SHB: variants seen among roughly 807,000 people sequenced by gnomAD.
SHB encodes the protein SH2 domain-containing adapter protein B.
In SHB, 20 loss-of-function variants were observed where a neutral mutation model predicts 52.3. That is an observed-to-expected ratio of 0.38 (90% confidence interval 0.27 to 0.56). The LOEUF is 0.56. SHB is among the 20% of genes least tolerant of loss of function. The probability of loss-of-function intolerance (pLI) is 0.71; values close to 1 mark genes in which losing one functional copy is unlikely to be tolerated. For missense variants in SHB, 825 were observed against 723.3 expected, an observed-to-expected ratio of 1.14 and a Z score of -1.61; for synonymous variants, 397 against 316.5, an observed-to-expected ratio of 1.25 and a Z score of -2.70.
chr9:37,971,461 T>C (rs1820589473), intron 3 of SHB, among the ~76,000 whole-genome samples: 1 of 152,154 alleles, frequency 6.6e-6, no homozygotes, highest in African/African-American at 2.4e-5. Flanking sequence ...CTGCGCCTAA[T>C]GGACTCTGTC....
intron 2 of SHB, among the ~76,000 whole-genome samples, chr9:37,997,056 G>A (rs780320222): frequency 8.5e-5 from 13 of 152,200 alleles, no homozygotes; most frequent in Non-Finnish European, 1.5e-4. Context: ...GTGGGTGGGA[G>A]CAGGTGAAGG....
Position 37,919,811 on chromosome 9 carries a change from T to G in SHB, c.*10A>C, listed in dbSNP as rs1173762533. ...AGGCTCTGTCACAGAGCAGGGCAGG[T>G]CTGGTCCGCTCACAGGGTCCTCACA... On this transcript the variant is annotated 3_prime_UTR_variant, in exon 6 of 6. Coordinates refer to ENST00000377707, the MANE Select transcript of SHB (RefSeq NM_003028.3). The G allele has an allele frequency of 1.2e-5, 20 of 1,611,186 alleles. No individual in the cohort carries two copies. The highest frequency in any genetic ancestry group is 1.7e-5 in the Admixed American group (1 of 59,984).
chr9:37,920,913 TCA>T (rs753572161), intron 5 of SHB, among the ~76,000 whole-genome samples: 2 of 152,130 alleles, frequency 1.3e-5, no homozygotes, highest in Non-Finnish European at 2.9e-5. Flanking sequence ...GGTGGGTTTC[TCA>T]GAGATCAGAG....
At position 38,069,127 on chromosome 9, in the gene SHB, G is replaced by A. The variant is rs1188534026; in HGVS notation, c.-482C>T. ...GAGAGCTCGGCCCCGCAGCGGAGGA[G>A]AATGCGGCCGGGAGAGACAGCGAGC... On this transcript the variant is annotated 5_prime_UTR_variant, in exon 1 of 6. Transcript: ENST00000377707. 1 of 151,708 alleles carries A rather than the reference G, an allele frequency of 6.6e-6. No homozygotes were observed. The highest frequency in any genetic ancestry group is 1.5e-5 in the Non-Finnish European group (1 of 67,856). The allele number at this position is 151,708 out of a possible 1,614,324, so 9.4% of individuals were successfully genotyped here.
At chr9:37,993,518 C>T (rs541457843) in intron 2 of SHB, among the ~76,000 whole-genome samples, 56 of 152,178 alleles carry the variant, frequency 3.7e-4, no homozygotes, top group African/African-American at 1.3e-3. Flanking sequence ...TGTGACAAAC[C>T]TGCACGTTGT....
chr9:37,924,281 T>G (rs199761441), intron 5 of SHB, among the ~76,000 whole-genome samples: 1 of 152,200 alleles, frequency 6.6e-6, no homozygotes, highest in Admixed American at 6.5e-5. Flanking sequence ...GGCCCCACCT[T>G]GCAGCGCAAT....
chr9:37,981,004 G>T (rs1385598382), intron 2 of SHB, among the ~76,000 whole-genome samples: 1 of 152,178 alleles, frequency 6.6e-6, no homozygotes, highest in Non-Finnish European at 1.5e-5. Context: ...GCACGAGCAG[G>T]GTAGATTTAG....
At chr9:37,943,349 T>A (rs1277943960) in intron 5 of SHB, among the ~76,000 whole-genome samples, 2 of 152,148 alleles carry the variant, frequency 1.3e-5, no homozygotes, top group Non-Finnish European at 2.9e-5. Flanking sequence ...GTGTCTTCCT[T>A]TCCTTGTGAG....
rs1356024995 is a variant in SHB at position 37,982,384 on chromosome 9, T to C, written c.839-7547A>G. Reference sequence around the variant, plus strand: ...GGTGGGCACCTATAATCCCAGCTACTGGGAAGGCTGAGGCAGGAGAATTGC... The same window carrying C: ...GGTGGGCACCTATAATCCCAGCTACCGGGAAGGCTGAGGCAGGAGAATTGC... On this transcript the variant is annotated intron_variant, in intron 2 of 5. Coordinates refer to ENST00000377707, the MANE Select transcript of SHB (RefSeq NM_003028.3). 1.2e-4 allele frequency among the ~76,000 whole-genome samples: 18 copies of C among 151,842 alleles called. No homozygotes were observed. The East Asian group carries it at 3.1e-3, about 26-fold the overall frequency.
chr9:37,928,437 G>C (rs1442853247), intron 5 of SHB, among the ~76,000 whole-genome samples: 1 of 152,200 alleles, frequency 6.6e-6, no homozygotes, highest in African/African-American at 2.4e-5. Flanking sequence ...CTCCTACCTG[G>C]GGCAATTTTG....
intron 2 of SHB, among the ~76,000 whole-genome samples, chr9:37,985,373 T>C (rs115610248): frequency 0.014 from 2,134 of 152,328 alleles, 42 homozygotes; most frequent in African/African-American, 0.047. Context: ...GACGACCAAT[T>C]GCTTTCATTG....
intron 1 of SHB, among the ~76,000 whole-genome samples, chr9:38,020,031 G>A (rs1165015257): frequency 6.6e-6 from 1 of 152,292 alleles, no homozygotes; most frequent in Non-Finnish European, 1.5e-5. Flanking sequence ...ACAGAAACCT[G>A]TATCTCTATT....
At chr9:37,985,552 C>T (rs560339460) in intron 2 of SHB, among the ~76,000 whole-genome samples, 170 of 152,360 alleles carry the variant, frequency 1.1e-3, no homozygotes, top group African/African-American at 4.0e-3. Context: ...CTCACTGAGG[C>T]GAGCTTGCTG....
At chr9:38,000,131 C>T (rs946558946) in intron 2 of SHB, among the ~76,000 whole-genome samples, 49 of 152,274 alleles carry the variant, frequency 3.2e-4, no homozygotes, top group African/African-American at 9.1e-4. Context: ...GATGTCCATC[C>T]CTCCCACAGG....
rs1240597626 is a variant in SHB, at chr9:37,917,162, A to C, written c.*2659T>G. Among the ~76,000 whole-genome samples, 1 of 152,206 alleles carries C rather than the reference A, an allele frequency of 6.6e-6. No homozygotes were observed. The highest frequency in any genetic ancestry group is 1.5e-5 in the Non-Finnish European group (1 of 68,034). On this transcript the variant is annotated 3_prime_UTR_variant, in exon 6 of 6. Coordinates refer to ENST00000377707, the MANE Select transcript of SHB (RefSeq NM_003028.3). ...TCCAAGAAAACATGAATACAGGCTG[A>C]CACAGGAAACGGTCACAATTAGAGG...
intron 5 of SHB, among the ~76,000 whole-genome samples, chr9:37,936,542 G>A (rs1832374080): frequency 6.6e-6 from 1 of 152,124 alleles, no homozygotes; most frequent in Non-Finnish European, 1.5e-5. Context: ...AGGCCCTCTG[G>A]GGTGTTGAGA....
chr9:37,979,742 A>C (rs558621992), intron 2 of SHB, among the ~76,000 whole-genome samples: 4 of 152,288 alleles, frequency 2.6e-5, no homozygotes, highest in Admixed American at 2.6e-4. Flanking sequence ...AGATCACTTG[A>C]GGTCAAGAGT....
chr9:38,065,759 C>T (rs763612110), intron 1 of SHB, among the ~76,000 whole-genome samples: 22 of 152,206 alleles, frequency 1.4e-4, no homozygotes, highest in Non-Finnish European at 2.5e-4. Flanking sequence ...TAAATCCCTT[C>T]ACAGGCCCCC....
intron 2 of SHB, among the ~76,000 whole-genome samples, chr9:37,999,841 A>C (rs1283734180): frequency 6.6e-6 from 1 of 152,202 alleles, no homozygotes; most frequent in Non-Finnish European, 1.5e-5. Context: ...GCCTTGTCCA[A>C]GCTCAAACCG....
Sources: allele counts gnomAD v4.1 joint callset (sites outside exome capture counted in the v4.1 genomes callset), GRCh38; gene constraint gnomAD v4.1.1; transcripts MANE v1.5; gene names NCBI Gene and HGNC (gene_info 2026-07-23, HGNC 2026-07-21).